Variants in FAT3 observed in about 807,000 individuals in gnomAD.
The protein encoded by FAT3 is FAT atypical cadherin 3, also known as protocadherin Fat 3.
Under a neutral mutation model 310.2 loss-of-function variants are expected in FAT3, and 95 were observed. The observed-to-expected ratio is 0.31, with a 90% confidence interval of 0.26 to 0.36. FAT3 has a LOEUF of 0.36. Among genes scored for constraint, FAT3 ranks in the 10% least tolerant of loss-of-function variants. The probability of loss-of-function intolerance (pLI) is 1.00; values close to 1 mark genes in which losing one functional copy is unlikely to be tolerated. For missense variants in FAT3, 5,408 were observed against 5,715.6 expected (o/e 0.95, Z 1.74); for synonymous variants, 2,314 against 2,192.9 (o/e 1.06, Z -1.54).
At chr11:92,431,843 A>G (rs868426713) in intron 2 of FAT3, among the ~76,000 whole-genome samples, 1 of 152,186 alleles carries the variant, frequency 6.6e-6, no homozygotes, top group Non-Finnish European at 1.5e-5. Context: ...GCTCTATTCT[A>G]TTCCATTGGT....
chr11:92,593,883 A>G (rs1421037229), intron 3 of FAT3, among the ~76,000 whole-genome samples: 1 of 152,228 alleles, frequency 6.6e-6, no homozygotes, highest in Non-Finnish European at 1.5e-5. Context: ...TTTTTGTTAT[A>G]AAGCGTTATT....
chr11:92,511,127 A>T (rs1953274241), intron 2 of FAT3, among the ~76,000 whole-genome samples: 1 of 152,230 alleles, frequency 6.6e-6, no homozygotes, highest in African/African-American at 2.4e-5. Context: ...CTTTGCTTCT[A>T]GGCTTGAGGA....
At chr11:92,689,966 C>T (rs943888337) in intron 3 of FAT3, among the ~76,000 whole-genome samples, 1 of 152,176 alleles carries the variant, frequency 6.6e-6, no homozygotes, top group African/African-American at 2.4e-5. Context: ...GCAGGGCTTG[C>T]CTGAACCTTA....
chr11:92,301,540 T>C (rs1946998102), intron 1 of FAT3, among the ~76,000 whole-genome samples: 1 of 152,136 alleles, frequency 6.6e-6, no homozygotes, highest in South Asian at 2.1e-4. Context: ...ATTATCTTTT[T>C]CTATGTTGTC....
chr11:92,561,788 G>A (rs922024637), intron 3 of FAT3, among the ~76,000 whole-genome samples: 1 of 151,948 alleles, frequency 6.6e-6, no homozygotes, highest in Admixed American at 6.6e-5. Flanking sequence ...ACCACACCCA[G>A]CTAATTTTTG....
intron 7 of FAT3, among the ~76,000 whole-genome samples, chr11:92,774,984 T>A (rs1946562003): frequency 1.3e-5 from 2 of 152,302 alleles, no homozygotes; most frequent in Admixed American, 1.3e-4. Context: ...GAGAAGATTT[T>A]TTTTTCTTAT....
chr11:92,796,406 G>C (rs187945137), intron 9 of FAT3, among the ~76,000 whole-genome samples: 2 of 152,232 alleles, frequency 1.3e-5, no homozygotes, highest in East Asian at 3.9e-4. Context: ...AAATAAGCAA[G>C]TATCTTCTTG....
intron 3 of FAT3, among the ~76,000 whole-genome samples, chr11:92,645,249 A>G (rs902002143): frequency 2.0e-5 from 3 of 152,226 alleles, no homozygotes; most frequent in Admixed American, 1.3e-4. Flanking sequence ...TAGATCCCCA[A>G]AGCATTTGTA....
intron 1 of FAT3, among the ~76,000 whole-genome samples, chr11:92,309,209 C>T (rs375089545): frequency 6.8e-6 from 1 of 147,246 alleles, no homozygotes. Context: ...ACTGCTGCCC[C>T]AGAGTGCACC....
intron 3 of FAT3, among the ~76,000 whole-genome samples, chr11:92,542,409 A>G (rs1954479803): frequency 6.6e-6 from 1 of 152,058 alleles, no homozygotes; most frequent in Non-Finnish European, 1.5e-5. Flanking sequence ...AAAGAATGTG[A>G]GAAAATATTT....
intron 3 of FAT3, among the ~76,000 whole-genome samples, chr11:92,568,743 A>G (rs1266426647): frequency 6.6e-6 from 1 of 152,084 alleles, no homozygotes; most frequent in African/African-American, 2.4e-5. Flanking sequence ...CTTGAATGTC[A>G]TCTTCACCCT....
At chr11:92,520,996 A>T (rs1342417315) in intron 2 of FAT3, among the ~76,000 whole-genome samples, 1 of 152,164 alleles carries the variant, frequency 6.6e-6, no homozygotes, top group Non-Finnish European at 1.5e-5. Context: ...AAGGCATTTC[A>T]TCTAAGGACT....
intron 1 of FAT3, among the ~76,000 whole-genome samples, chr11:92,283,391 T>C (rs895293728): frequency 6.6e-6 from 1 of 152,166 alleles, no homozygotes; most frequent in Non-Finnish European, 1.5e-5. Context: ...TAAATCATTT[T>C]CCAACACATC....
intron 13 of FAT3, among the ~76,000 whole-genome samples, chr11:92,830,236 T>C (rs1948208401): frequency 6.6e-6 from 1 of 152,230 alleles, no homozygotes; most frequent in African/African-American, 2.4e-5. Flanking sequence ...TGTTTTGAAG[T>C]GCTGAAATCC....
chr11:92,721,966 C>T (rs1002300420), intron 4 of FAT3, among the ~76,000 whole-genome samples: 7 of 151,998 alleles, frequency 4.6e-5, no homozygotes, highest in Non-Finnish European at 7.4e-5. Flanking sequence ...TCACACAACA[C>T]GTGGGAATTC....
chr11:92,844,793 C>T, intron 19 of FAT3, 61 bp downstream of exon 19: 1 of 1,421,490 alleles, frequency 7.0e-7, no homozygotes, highest in Non-Finnish European at 9.4e-7. Context: ...GAATGAGTTA[C>T]CATTCCAGCA....
At chr11:92,408,667 C>T (rs184271294) in intron 2 of FAT3, among the ~76,000 whole-genome samples, 2 of 152,292 alleles carry the variant, frequency 1.3e-5, no homozygotes, top group Admixed American at 1.3e-4. Context: ...TGTTGGGACT[C>T]CTCTTAGTGA....
chr11:92,688,186 G>A (rs898453038), intron 3 of FAT3, among the ~76,000 whole-genome samples: 10 of 152,000 alleles, frequency 6.6e-5, no homozygotes, highest in Non-Finnish European at 1.3e-4. Context: ...ATGACAGAGC[G>A]AGACCCTGTC....
chr11:92,286,317 G>T (rs138022153), intron 1 of FAT3, among the ~76,000 whole-genome samples: 99 of 152,218 alleles, frequency 6.5e-4, no homozygotes, highest in African/African-American at 2.2e-3. Flanking sequence ...CAGGGTTTTT[G>T]ATTATTCCAA....
Sources: gnomAD v4.1 joint callset for allele counts (sites outside exome capture counted in the v4.1 genomes callset) on GRCh38, gnomAD v4.1.1 for gene constraint, MANE v1.5 for transcripts, NCBI Gene and HGNC (gene_info 2026-07-23, HGNC 2026-07-21) for gene names.